Variants in GNG12 observed in about 807,000 individuals in gnomAD.
GNG12 encodes the protein G protein subunit gamma 12.
For synonymous variants in GNG12, 28 were observed against 29.7 expected (o/e 0.94, Z 0.19); for missense variants, 69 against 83.8 (o/e 0.82, Z 0.69).
intron 1 of GNG12, among the ~76,000 whole-genome samples, chr1:67,829,340 CTTGT>C (rs1256817242): frequency 3.9e-5 from 6 of 152,282 alleles, no homozygotes; most frequent in South Asian, 2.1e-4. Context: ...GAAGAATTAA[CTTGT>C]TTAACAAATT....
chr1:67,830,893 A>G (rs1351554196), intron 1 of GNG12, among the ~76,000 whole-genome samples: 1 of 152,206 alleles, frequency 6.6e-6, no homozygotes, highest in Non-Finnish European at 1.5e-5. Context: ...AACAAGCTAG[A>G]TAAATATCTA....
At chr1:67,823,287 G>T (rs1398719219) in intron 1 of GNG12, among the ~76,000 whole-genome samples, 1 of 152,140 alleles carries the variant, frequency 6.6e-6, no homozygotes, top group East Asian at 1.9e-4. Flanking sequence ...GAAATTCTAG[G>T]CTAGAAGATC....
At chr1:67,754,032 T>C (rs1276733859) in intron 2 of GNG12, among the ~76,000 whole-genome samples, 1 of 152,178 alleles carries the variant, frequency 6.6e-6, no homozygotes, top group East Asian at 1.9e-4. Flanking sequence ...CACTCTCCTC[T>C]GGGCCACTTT....
intron 2 of GNG12, among the ~76,000 whole-genome samples, chr1:67,718,758 C>T (rs1013893469): frequency 2.0e-5 from 3 of 152,138 alleles, no homozygotes; most frequent in South Asian, 2.1e-4. Context: ...AGATATAGTA[C>T]CCCTTTCAGT....
At position 67,709,908 on chromosome 1, in the gene GNG12, A is replaced by G. The variant is rs867189933; in HGVS notation, c.-26-2196T>C. On this transcript the variant is annotated intron_variant, in intron 2 of 3. Coordinates refer to ENST00000370982, the MANE Select transcript of GNG12 (RefSeq NM_018841.6). Reference sequence around the variant, plus strand: ...TATATAGTTATATATATATTTTTATATAGTTATATATATAGTTATATATAT... The same window carrying G: ...TATATAGTTATATATATATTTTTATGTAGTTATATATATAGTTATATATAT... Among the ~76,000 whole-genome samples the G allele has an allele frequency of 1.5e-4, 8 of 54,770 alleles. No homozygotes were observed. The East Asian group carries it at 3.9e-3, about 27-fold the overall frequency. The allele number at this position is 54,770 out of a possible 152,430, so 35.9% of individuals were successfully genotyped here.
intron 1 of GNG12, among the ~76,000 whole-genome samples, chr1:67,817,115 G>C (rs1646957725): frequency 6.6e-6 from 1 of 152,162 alleles, no homozygotes; most frequent in South Asian, 2.1e-4. Flanking sequence ...ATATTCCACA[G>C]AGCAAACAGA....
chr1:67,772,311 T>C (rs974285412), intron 2 of GNG12, among the ~76,000 whole-genome samples: 1 of 152,190 alleles, frequency 6.6e-6, no homozygotes, highest in African/African-American at 2.4e-5. Context: ...GCCCACCAGA[T>C]CCCAAAGTGG....
At chr1:67,788,004 A>C (rs1368358850) in intron 1 of GNG12, among the ~76,000 whole-genome samples, 1 of 152,186 alleles carries the variant, frequency 6.6e-6, no homozygotes, top group African/African-American at 2.4e-5. Flanking sequence ...GGGCAATGGG[A>C]TTTATGACAC....
intron 2 of GNG12, among the ~76,000 whole-genome samples, chr1:67,743,107 A>G (rs1297102993): frequency 6.6e-6 from 1 of 152,218 alleles, no homozygotes; most frequent in East Asian, 1.9e-4. Context: ...TTAGTAAAAA[A>G]TTCAGTTACA....
At chr1:67,748,188 G>C (rs1367925304) in intron 2 of GNG12, among the ~76,000 whole-genome samples, 1 of 152,092 alleles carries the variant, frequency 6.6e-6, no homozygotes, top group East Asian at 1.9e-4. Context: ...GAACCTAAAG[G>C]GTGGACTACA....
At chr1:67,819,111 TG>T (rs1357532676) in intron 1 of GNG12, among the ~76,000 whole-genome samples, 1 of 151,838 alleles carries the variant, frequency 6.6e-6, no homozygotes, top group Non-Finnish European at 1.5e-5. Flanking sequence ...GTGAGAGGCA[TG>T]GGGGTAGGGA....
At chr1:67,738,959 A>G (rs1025677809) in intron 2 of GNG12, among the ~76,000 whole-genome samples, 1 of 152,144 alleles carries the variant, frequency 6.6e-6, no homozygotes, top group Non-Finnish European at 1.5e-5. Context: ...TGGGCAAATC[A>G]CTTGAGGTCA....
chr1:67,785,649 A>T (rs1004223180), intron 1 of GNG12, among the ~76,000 whole-genome samples: 10 of 152,278 alleles, frequency 6.6e-5, no homozygotes, highest in African/African-American at 1.9e-4. Context: ...ACAGTTTTTT[A>T]AAAAATGTAA....
At chr1:67,818,055 G>T (rs1417229362) in intron 1 of GNG12, among the ~76,000 whole-genome samples, 2 of 152,048 alleles carry the variant, frequency 1.3e-5, no homozygotes, top group Non-Finnish European at 2.9e-5. Flanking sequence ...CCAAAGTGCT[G>T]GGATTACAGG....
In GNG12 at chr1:67,709,940, A is replaced by ATATATAGTTATATATATATAGT. The variant is rs1646275816; in HGVS notation, c.-26-2229_-26-2228insACTATATATATATAACTATATA. Reference sequence around the variant, plus strand: ...TATATATAGTTATATATATAGTTATATATATATAGTTATATATATAGTTAT... The same window carrying ATATATAGTTATATATATATAGT: ...TATATATAGTTATATATATAGTTATATATATAGTTATATATATATAGTTATATATAGTTATATATATAGTTAT... On this transcript the variant is annotated intron_variant, in intron 2 of 3. Coordinates refer to ENST00000370982, the MANE Select transcript of GNG12 (RefSeq NM_018841.6). Among the ~76,000 whole-genome samples the ATATATAGTTATATATATATAGT allele has an allele frequency of 1.2e-4, 3 of 25,246 alleles. 1 individual carries two copies. Among genetic ancestry groups the ATATATAGTTATATATATATAGT allele is most frequent in the African/African-American group, 4.8e-4 (3 of 6,236 alleles). 16.6% of individuals were successfully genotyped at this position (25,246 alleles called of 152,430 possible).
intron 2 of GNG12, among the ~76,000 whole-genome samples, chr1:67,734,160 C>T (rs901403339): frequency 6.6e-6 from 1 of 151,750 alleles, no homozygotes; most frequent in Non-Finnish European, 1.5e-5. Context: ...TTATTCCTGA[C>T]TCAAGGGCAG....
rs1408353161 is a variant in GNG12, at chr1:67,702,618, A to C, written c.*2833T>G. ...CTGACATTTTTTAGAAGAAAAAAAA[A>C]AACTAGCTATGAGCCATCACTTGTG... is the stretch of plus-strand genomic sequence containing the variant. On this transcript the variant is annotated 3_prime_UTR_variant, in exon 4 of 4. Coordinates refer to ENST00000370982, the MANE Select transcript of GNG12 (RefSeq NM_018841.6). The C allele has an allele frequency of 1.3e-5, 2 of 152,184 alleles. No individual in the cohort carries two copies. The highest frequency in any genetic ancestry group is 2.9e-5 in the Non-Finnish European group (2 of 68,028). The allele number at this position is 152,184 out of a possible 1,614,324, so 9.4% of individuals were successfully genotyped here. A position where few individuals can be genotyped will look rare whatever the true frequency, so the allele number is the denominator to read the frequency against.
intron 2 of GNG12, among the ~76,000 whole-genome samples, chr1:67,727,054 T>C (rs1646390626): frequency 6.6e-6 from 1 of 152,226 alleles, no homozygotes; most frequent in Non-Finnish European, 1.5e-5. Context: ...TGCAGGTCAA[T>C]TACTTAAAGT....
At chr1:67,726,240 T>A (rs1179152722) in intron 2 of GNG12, among the ~76,000 whole-genome samples, 2 of 152,228 alleles carry the variant, frequency 1.3e-5, no homozygotes, top group Non-Finnish European at 2.9e-5. Flanking sequence ...AATATTGACA[T>A]CTACTTCACC....
Sources: gnomAD v4.1 joint callset for allele counts (sites outside exome capture counted in the v4.1 genomes callset) on GRCh38, gnomAD v4.1.1 for gene constraint, MANE v1.5 for transcripts, NCBI Gene and HGNC (gene_info 2026-07-23, HGNC 2026-07-21) for gene names.